The following SIK2 variants were observed in gnomAD, a reference collection of about 807,000 sequenced individuals.
SIK2 encodes the protein salt inducible kinase 2, also known as serine/threonine-protein kinase SIK2.
SIK2 carries 29 observed loss-of-function variants against 103.2 expected under a neutral mutation model. The ratio of observed to expected loss-of-function variants is 0.28; its 90% confidence interval spans 0.21 to 0.38. SIK2 has a LOEUF of 0.38. Ranked by LOEUF, SIK2 falls within the 10% of genes least tolerant of loss-of-function variation. The pLI is 1.00. For synonymous variants in SIK2, 412 were observed against 446.1 expected (o/e 0.92, Z 0.96); for missense variants, 879 against 1,171.0 (o/e 0.75, Z 3.64).
At chr11:111,684,330 T>C (rs2135890361) in intron 3 of SIK2, among the ~76,000 whole-genome samples, 1 of 152,286 alleles carries the variant, frequency 6.6e-6, no homozygotes, top group South Asian at 2.1e-4. Context: ...TCTCTTTCTA[T>C]ATATGTAAAC....
At chr11:111,644,285 C>T (rs532775898) in intron 3 of SIK2, among the ~76,000 whole-genome samples, 18 of 116,734 alleles carry the variant, frequency 1.5e-4, no homozygotes, top group African/African-American at 5.6e-4. Flanking sequence ...GAGACTCCAT[C>T]TCAAAAAAAA....
intron 3 of SIK2, among the ~76,000 whole-genome samples, chr11:111,629,612 A>G (rs1942010898): frequency 1.3e-5 from 2 of 152,202 alleles, no homozygotes; most frequent in African/African-American, 4.8e-5. Context: ...ATGAAATTCA[A>G]CAGATAATTA....
intron 7 of SIK2, among the ~76,000 whole-genome samples, chr11:111,703,944 G>C (rs1182410931): frequency 6.6e-6 from 1 of 152,084 alleles, no homozygotes; most frequent in African/African-American, 2.4e-5. Context: ...AATTCCTCTT[G>C]GCTTTTATTT....
chr11:111,640,118 G>T (rs1031452396), intron 3 of SIK2, among the ~76,000 whole-genome samples: 1 of 152,116 alleles, frequency 6.6e-6, no homozygotes, highest in Non-Finnish European at 1.5e-5. Flanking sequence ...TCACCATTGG[G>T]CATGAAACAC....
intron 2 of SIK2, among the ~76,000 whole-genome samples, chr11:111,617,976 G>T (rs1282758586): frequency 6.6e-6 from 1 of 151,986 alleles, no homozygotes; most frequent in Non-Finnish European, 1.5e-5. Flanking sequence ...TTGTTGCCCA[G>T]ACTGGCCTTG....
At chr11:111,652,313 AT>A (rs374926811) in intron 3 of SIK2, among the ~76,000 whole-genome samples, 1 of 152,122 alleles carries the variant, frequency 6.6e-6, no homozygotes, top group Non-Finnish European at 1.5e-5. Flanking sequence ...GTTTTTAGCC[AT>A]TTTTTTCAGT....
At position 111,724,390 on chromosome 11, in the gene SIK2, C is replaced by A. The variant is rs144049128; in HGVS notation, c.*261C>A. ...GCCCTTCGGTCGAGTGGAGCAAGCT[C>A]TCGAGGGCAGCACTGACAAATGTGT... On this transcript the variant is annotated 3_prime_UTR_variant, in exon 15 of 15. Coordinates refer to ENST00000304987, the MANE Select transcript of SIK2 (RefSeq NM_015191.3). 4.7e-5 allele frequency: 24 copies of A among 508,684 alleles called. No homozygotes were observed. The highest frequency in any genetic ancestry group is 1.5e-4 in the African/African-American group (8 of 52,416). 31.5% of individuals were successfully genotyped at this position (508,684 alleles called of 1,614,324 possible). A position where few individuals can be genotyped will look rare whatever the true frequency, so the allele number is the denominator to read the frequency against.
At chr11:111,672,957 T>C (rs988652833) in intron 3 of SIK2, among the ~76,000 whole-genome samples, 9 of 152,244 alleles carry the variant, frequency 5.9e-5, no homozygotes, top group Non-Finnish European at 1.2e-4. Flanking sequence ...TTAAACTTTG[T>C]GCATCAGCAT....
rs1591632214 is a variant in SIK2 at position 111,705,198 on chromosome 11, C to T, written c.1101+59C>T. 6 of 1,448,228 alleles carry T rather than the reference C, an allele frequency of 4.1e-6. No homozygotes were observed. The highest frequency in any genetic ancestry group is 5.4e-5 in the East Asian group (2 of 36,966). The allele number at this position is 1,448,228 out of a possible 1,614,324, so 89.7% of individuals were successfully genotyped here. A position where few individuals can be genotyped will look rare whatever the true frequency, so the allele number is the denominator to read the frequency against. The stretch of plus-strand genomic sequence containing the variant: ...CATGTGCCTGTTCACATGTTTGATA[C>T]ATTTTTCATCTTATACACAGGGTTA... On this transcript the variant is annotated intron_variant, in intron 8 of 14. Transcript: ENST00000304987. This position sits in a 1 kb window ranked among gnomAD's most constrained non-coding sequence, Gnocchi z 4.3.
At chr11:111,632,744 T>C (rs1942055905) in intron 3 of SIK2, among the ~76,000 whole-genome samples, 1 of 152,172 alleles carries the variant, frequency 6.6e-6, no homozygotes, top group African/African-American at 2.4e-5. Flanking sequence ...TGCACATTTC[T>C]GTTTCTTCTG....
At chr11:111,687,788 G>C (rs891466634) in intron 3 of SIK2, among the ~76,000 whole-genome samples, 2 of 151,686 alleles carry the variant, frequency 1.3e-5, no homozygotes, top group Non-Finnish European at 2.9e-5. Flanking sequence ...TGTATTTTTA[G>C]TAGAGACGGG....
chr11:111,653,833 TTC>T (rs1942358416), intron 3 of SIK2, among the ~76,000 whole-genome samples: 1 of 152,234 alleles, frequency 6.6e-6, no homozygotes, highest in Non-Finnish European at 1.5e-5. Flanking sequence ...AATTAGCTTT[TTC>T]CCTTCTCAGA....
chr11:111,689,763 G>C (rs1007625165), intron 4 of SIK2, among the ~76,000 whole-genome samples: 1 of 152,138 alleles, frequency 6.6e-6, no homozygotes, highest in Non-Finnish European at 1.5e-5. Flanking sequence ...ACATTGAACT[G>C]ATTTGTTTCT....
chr11:111,692,872 A>G (rs1431610975), intron 4 of SIK2, among the ~76,000 whole-genome samples: 1 of 152,118 alleles, frequency 6.6e-6, no homozygotes, highest in Non-Finnish European at 1.5e-5. Context: ...GAATAAATGA[A>G]CTGCTTTAGC....
At position 111,730,367 on chromosome 11, in the gene SIK2, G is replaced by T. The variant is rs963981279; in HGVS notation, c.*6238G>T. The T allele has an allele frequency of 6.6e-6, 1 of 152,190 alleles. No homozygotes were observed. The highest frequency in any genetic ancestry group is 1.5e-5 in the Non-Finnish European group (1 of 68,042). 9.4% of individuals were successfully genotyped at this position (152,190 alleles called of 1,614,324 possible). On this transcript the variant is annotated 3_prime_UTR_variant, in exon 15 of 15. Coordinates refer to ENST00000304987, the MANE Select transcript of SIK2 (RefSeq NM_015191.3). ...CCACCATGGGTGGTAAGAGAAACCT[G>T]CCTTCACCAAAATCTCTGAAGGGGA...
intron 10 of SIK2, 31 bp downstream of exon 10, chr11:111,720,034 C>G (rs376105864): frequency 6.8e-5 from 108 of 1,588,446 alleles, no homozygotes; most frequent in Middle Eastern, 5.4e-4. Flanking sequence ...TAGCTTGAGT[C>G]TTCATGGCAT....
chr11:111,719,847 A>G lies in SIK2; in HGVS notation c.1339A>G (p.Met447Val), dbSNP rs750800878. The change falls in exon 10 of 15, where the codon ATG becomes GTG. Residue 447 changes from methionine to valine, a missense_variant. Met to Val is a conservative substitution (Grantham distance 21, BLOSUM62 1). Around this residue, in one of 7 missense-constraint regions of SIK2, gnomAD observed 222 missense variants for 258.0 expected, o/e 0.86. Coordinates refer to ENST00000304987, the MANE Select transcript of SIK2 (RefSeq NM_015191.3). Reference protein sequence around the residue: ...RKGCQSLPSNMMETSIDEGLE... With the variant: ...RKGCQSLPSNVMETSIDEGLE... ...GGGATGCCAGTCACTGCCCAGCAACATGATGGAGACCTCCATTGACGAAGG... is the reference window on the plus strand; with the variant it reads ...GGGATGCCAGTCACTGCCCAGCAACGTGATGGAGACCTCCATTGACGAAGG... The G allele has an allele frequency of 2.5e-6, 4 of 1,614,174 alleles. No homozygotes were observed. Among genetic ancestry groups the G allele is most frequent in the Admixed American group, 1.7e-5 (1 of 60,012 alleles).
At chr11:111,692,952 A>G (rs1467904015) in intron 4 of SIK2, among the ~76,000 whole-genome samples, 1 of 152,184 alleles carries the variant, frequency 6.6e-6, no homozygotes, top group Non-Finnish European at 1.5e-5. Flanking sequence ...ACAAAATGGA[A>G]TAGAAGTATC....
chr11:111,717,167 T>C (rs987305261), intron 9 of SIK2, among the ~76,000 whole-genome samples: 1 of 150,730 alleles, frequency 6.6e-6, no homozygotes, highest in Non-Finnish European at 1.5e-5. Context: ...GCAAGAAAAA[T>C]TAGCCGGGCG....
Sources: gnomAD v4.1 joint callset for allele counts (sites outside exome capture counted in the v4.1 genomes callset) on GRCh38, gnomAD v4.1.1 for gene constraint, gnomAD v4.1.1 regional missense constraint, Gnocchi (gnomAD v3.1) non-coding constraint, MANE v1.5 for transcripts, NCBI Gene and HGNC (gene_info 2026-07-23, HGNC 2026-07-21) for gene names.